UMAD1: variants seen among roughly 807,000 people sequenced by gnomAD.
UMAD1 encodes UBAP1-MVB12-associated (UMA)-domain containing protein 1.
In UMAD1, 8 loss-of-function variants were observed where a neutral mutation model predicts 6.1. The ratio of observed to expected loss-of-function variants is 1.30; its 90% CI spans 0.76 to 2.35. The LOEUF is 2.35. Ranked by LOEUF, UMAD1 falls within the 30% of genes most tolerant of loss-of-function variation. The pLI, the probability that UMAD1 is intolerant of heterozygous loss-of-function variation, is 0.00. For synonymous variants in UMAD1, 56 were observed against 31.4 expected (o/e 1.78, Z -2.61); for missense variants, 130 against 78.4 (o/e 1.66, Z -2.49).
intron 1 of UMAD1, among the ~76,000 whole-genome samples, chr7:7,659,737 AG>A (rs1286074050): frequency 6.6e-6 from 1 of 152,136 alleles, no homozygotes; most frequent in African/African-American, 2.4e-5. Flanking sequence ...GGTCAATTTT[AG>A]AATAAGTATG....
intron 1 of UMAD1, among the ~76,000 whole-genome samples, chr7:7,670,376 G>A (rs1001765059): frequency 3.3e-5 from 5 of 152,284 alleles, no homozygotes; most frequent in African/African-American, 1.2e-4. Context: ...AGTTCTTGTA[G>A]CACTCTAATG....
At chr7:7,648,677 C>T (rs1370084600) in intron 1 of UMAD1, among the ~76,000 whole-genome samples, 1 of 151,678 alleles carries the variant, frequency 6.6e-6, no homozygotes, top group Non-Finnish European at 1.5e-5. Flanking sequence ...ATGGTGAAAG[C>T]CCATCTCTAC....
chr7:7,651,737 C>T (rs1198434719), intron 1 of UMAD1, among the ~76,000 whole-genome samples: 1 of 152,158 alleles, frequency 6.6e-6, no homozygotes, highest in Non-Finnish European at 1.5e-5. Context: ...AACAGGCATT[C>T]ATCATATGTG....
intron 2 of UMAD1, among the ~76,000 whole-genome samples, chr7:7,726,860 G>A (rs1444241074): frequency 6.6e-6 from 1 of 152,114 alleles, no homozygotes. Flanking sequence ...TGATTGACCT[G>A]GACTATCAAG....
At chr7:7,656,609 T>A (rs992085749) in intron 1 of UMAD1, among the ~76,000 whole-genome samples, 1 of 152,174 alleles carries the variant, frequency 6.6e-6, no homozygotes, top group African/African-American at 2.4e-5. Flanking sequence ...GAATGATGGT[T>A]TCCAGCTTCA....
chr7:7,649,914 G>A (rs1031665664), intron 1 of UMAD1, among the ~76,000 whole-genome samples: 2 of 152,204 alleles, frequency 1.3e-5, no homozygotes, highest in Non-Finnish European at 2.9e-5. Context: ...AAAGATGGCT[G>A]TCTGTGAACC....
At chr7:7,736,643 G>C (rs1395666960) in intron 2 of UMAD1, 2 of 152,084 alleles carry the variant, frequency 1.3e-5, no homozygotes, top group African/African-American at 4.8e-5. Flanking sequence ...TACTAAAAAT[G>C]TTTCTTCCAA....
At chr7:7,810,929 C>G (rs893281752) in intron 3 of UMAD1, among the ~76,000 whole-genome samples, 1 of 152,160 alleles carries the variant, frequency 6.6e-6, no homozygotes, top group Non-Finnish European at 1.5e-5. Flanking sequence ...AAACATCTGT[C>G]CCCTGACACC....
intron 1 of UMAD1, among the ~76,000 whole-genome samples, chr7:7,663,516 A>G (rs1481460311): frequency 1.3e-5 from 2 of 151,746 alleles, no homozygotes; most frequent in Non-Finnish European, 1.5e-5. Flanking sequence ...ACGGAAAAAC[A>G]GGGGGAGAGT....
Position 7,877,777 on chromosome 7 carries a change from T to G in UMAD1, c.*239T>G, listed in dbSNP as rs1238547948. On this transcript the variant is annotated 3_prime_UTR_variant, in exon 4 of 4. Transcript: ENST00000682710. Reference sequence around the variant, plus strand: ...AATATACAAATTAGGCTATGAAGGTTTTAGGAAAGGACTCGATTCCTTCAG... The same window carrying G: ...AATATACAAATTAGGCTATGAAGGTGTTAGGAAAGGACTCGATTCCTTCAG... 2 of 468,880 alleles carry G rather than the reference T, an allele frequency of 4.3e-6. No homozygotes were observed. The highest frequency in any genetic ancestry group is 7.6e-6 in the Non-Finnish European group (2 of 263,492). The allele number at this position is 468,880 out of a possible 1,614,324, so 29.0% of individuals were successfully genotyped here. A position where few individuals can be genotyped will look rare whatever the true frequency, so the allele number is the denominator to read the frequency against.
Position 7,748,231 on chromosome 7 carries a change from A to G in UMAD1, c.83-53439A>G, listed in dbSNP as rs578258298. Reference sequence around the variant, plus strand: ...AGTCCTGGGATTACAGGCGTGAGCCACCGTGCCCGGCCTATATGTTTTATT... The same window carrying G: ...AGTCCTGGGATTACAGGCGTGAGCCGCCGTGCCCGGCCTATATGTTTTATT... On this transcript the variant is annotated intron_variant, in intron 2 of 3. Coordinates refer to ENST00000682710, the MANE Select transcript of UMAD1 (RefSeq NM_001302348.2). Among the ~76,000 whole-genome samples, 82 of 151,990 alleles carry G rather than the reference A, an allele frequency of 5.4e-4. 1 individual carries two copies. Among genetic ancestry groups the G allele is most frequent in the African/African-American group, 1.9e-3 (78 of 41,430 alleles).
At position 7,726,109 on chromosome 7, in the gene UMAD1, G is replaced by C. The variant is rs539437274; in HGVS notation, c.82+52656G>C. ...CTGGATGGTCAGGGACTTGGAAGAA[G>C]CATGATTGGAAAATTGGTGACAAAG... On this transcript the variant is annotated intron_variant, in intron 2 of 3. Transcript: ENST00000682710. Among the ~76,000 whole-genome samples the C allele has an allele frequency of 2.0e-5, 3 of 152,358 alleles. No homozygotes were observed. In the South Asian group the frequency reaches 6.2e-4, roughly 32 times the overall value.
intron 3 of UMAD1, among the ~76,000 whole-genome samples, chr7:7,813,860 G>C (rs1783072555): frequency 6.6e-6 from 1 of 152,222 alleles, no homozygotes; most frequent in African/African-American, 2.4e-5. Context: ...GAATAACTTG[G>C]TGAGAAACTG....
At chr7:7,734,739 C>G (rs1019169196) in intron 2 of UMAD1, among the ~76,000 whole-genome samples, 2 of 152,074 alleles carry the variant, frequency 1.3e-5, no homozygotes, top group Non-Finnish European at 2.9e-5. Flanking sequence ...AAATAGTTAC[C>G]TATCATTTCC....
intron 2 of UMAD1, among the ~76,000 whole-genome samples, chr7:7,773,440 T>C (rs891512728): frequency 2.0e-5 from 3 of 152,340 alleles, no homozygotes; most frequent in Admixed American, 6.5e-5. Context: ...TCAATTTACT[T>C]TGAAGAGCAT....
intron 2 of UMAD1, among the ~76,000 whole-genome samples, chr7:7,760,999 G>C (rs1407075127): frequency 6.6e-6 from 1 of 152,116 alleles, no homozygotes; most frequent in Non-Finnish European, 1.5e-5. Flanking sequence ...CAGAATGAAG[G>C]CTGGAAAATA....
At chr7:7,749,790 C>G (rs547008058) in intron 2 of UMAD1, among the ~76,000 whole-genome samples, 2 of 152,202 alleles carry the variant, frequency 1.3e-5, no homozygotes, top group Admixed American at 1.3e-4. Context: ...ATTTATTACA[C>G]AGAAAACGTC....
chr7:7,839,396 G>A (rs527735759), intron 3 of UMAD1, among the ~76,000 whole-genome samples: 1 of 152,144 alleles, frequency 6.6e-6, no homozygotes, highest in South Asian at 2.1e-4. Flanking sequence ...AAAATTATTT[G>A]TACACATAGG....
intron 2 of UMAD1, chr7:7,772,508 C>T (rs117953365): frequency 6.6e-6 from 1 of 152,124 alleles, no homozygotes; most frequent in African/African-American, 2.4e-5. Context: ...TTTTTACATG[C>T]ATACAGGGAT....
Sources: gnomAD v4.1 joint callset for allele counts (sites outside exome capture counted in the v4.1 genomes callset) on GRCh38, gnomAD v4.1.1 for gene constraint, MANE v1.5 for transcripts, NCBI Gene and HGNC (gene_info 2026-07-23, HGNC 2026-07-21) for gene names.